ELOVL6: variants seen among roughly 807,000 people sequenced by gnomAD.
ELOVL6 encodes ELOVL fatty acid elongase 6.
Under a neutral mutation model 31.7 loss-of-function variants are expected in ELOVL6, and 8 were observed. The ratio of observed to expected loss-of-function variants is 0.25; its 90% CI spans 0.15 to 0.45. The LOEUF (loss-of-function observed/expected upper bound fraction) is 0.45. Ranked by LOEUF, ELOVL6 falls within the 20% of genes least tolerant of loss-of-function variation. The pLI, the probability that ELOVL6 is intolerant of heterozygous loss-of-function variation, is 1.00. For synonymous variants in ELOVL6, 101 were observed against 117.7 expected, an observed-to-expected ratio of 0.86 and a Z score of 0.92; for missense variants, 126 against 326.4, an observed-to-expected ratio of 0.39 and a Z score of 4.73.
chr4:110,183,513 T>C (rs1227428549), intron 1 of ELOVL6, among the ~76,000 whole-genome samples: 3 of 152,220 alleles, frequency 2.0e-5, no homozygotes. Flanking sequence ...GTCACTCATA[T>C]TTGGCTCAGA....
At chr4:110,189,415 C>T (rs142728359) in intron 1 of ELOVL6, among the ~76,000 whole-genome samples, 10,187 of 150,484 alleles carry the variant, frequency 0.068, 379 homozygotes, top group South Asian at 0.11. Context: ...GGTGAAACCC[C>T]GTCTCTGCTA....
chr4:110,157,383 T>C (rs1321969678), intron 1 of ELOVL6, among the ~76,000 whole-genome samples: 2 of 152,110 alleles, frequency 1.3e-5, no homozygotes, highest in Non-Finnish European at 2.9e-5. Context: ...AAATATGTCT[T>C]GGATAGGCCA....
intron 3 of ELOVL6, among the ~76,000 whole-genome samples, chr4:110,058,422 A>G (rs964075883): frequency 6.6e-6 from 1 of 152,082 alleles, no homozygotes; most frequent in Non-Finnish European, 1.5e-5. Context: ...CTTGTTTTTG[A>G]CCTGGGAAGA....
rs2126254583 is a variant in ELOVL6 at position 110,123,094 on chromosome 4, T to G, written c.90-17466A>C. ...TTTGTATGCCCAGGACTTTACGTCT[T>G]TCCTCAACATATGAATTAATAAATG... On this transcript the variant is annotated intron_variant, in intron 1 of 3. Transcript: ENST00000302274. Among the ~76,000 whole-genome samples, 2 of 152,352 alleles carry G rather than the reference T, an allele frequency of 1.3e-5. 1 individual carries two copies. The highest frequency in any genetic ancestry group is 4.1e-4 in the South Asian group (2 of 4,824).
chr4:110,189,616 AG>A (rs58453006), intron 1 of ELOVL6, among the ~76,000 whole-genome samples: 16,504 of 116,616 alleles, frequency 0.14, 1,534 homozygotes, highest in East Asian at 0.25. Context: ...AAAAAAAAAG[AG>A]AGAGAGAGAG....
intron 1 of ELOVL6, among the ~76,000 whole-genome samples, chr4:110,115,975 G>A (rs549128936): frequency 9.9e-5 from 15 of 152,214 alleles, no homozygotes; most frequent in Non-Finnish European, 1.3e-4. Context: ...ACACCAAGCT[G>A]TTTCCATGGT....
At chr4:110,133,801 T>C (rs895209671) in intron 1 of ELOVL6, among the ~76,000 whole-genome samples, 5 of 152,190 alleles carry the variant, frequency 3.3e-5, no homozygotes, top group African/African-American at 1.2e-4. Context: ...CTAACATTTA[T>C]AGAAACAACT....
intron 1 of ELOVL6, among the ~76,000 whole-genome samples, chr4:110,147,960 A>C (rs1035018745): frequency 6.6e-6 from 1 of 152,106 alleles, no homozygotes; most frequent in African/African-American, 2.4e-5. Context: ...ACTAAATACA[A>C]AAAATTAGCT....
At chr4:110,117,977 G>C (rs1262302481) in intron 1 of ELOVL6, 1 of 74,094 alleles carries the variant, frequency 1.3e-5, no homozygotes, top group Non-Finnish European at 2.6e-5. Context: ...TTTTCTTTTT[G>C]AGACAAACTC....
chr4:110,062,152 G>A (rs568303242), intron 2 of ELOVL6, among the ~76,000 whole-genome samples: 34 of 152,304 alleles, frequency 2.2e-4, no homozygotes, highest in Admixed American at 8.5e-4. Context: ...GTATTCACAA[G>A]TTTGAGGGCT....
intron 2 of ELOVL6, among the ~76,000 whole-genome samples, chr4:110,065,892 C>T (rs1287415302): frequency 6.6e-6 from 1 of 152,104 alleles, no homozygotes; most frequent in Non-Finnish European, 1.5e-5. Context: ...TTACATTGTT[C>T]CCTTATTGAT....
chr4:110,100,807 C>A (rs372353740), intron 2 of ELOVL6, among the ~76,000 whole-genome samples: 1 of 152,174 alleles, frequency 6.6e-6, no homozygotes, highest in African/African-American at 2.4e-5. Flanking sequence ...GGGCGATAGG[C>A]CCTTGGGCCA....
At chr4:110,116,331 CAT>C (rs1196728595) in intron 1 of ELOVL6, among the ~76,000 whole-genome samples, 2 of 152,316 alleles carry the variant, frequency 1.3e-5, no homozygotes, top group East Asian at 1.9e-4. Flanking sequence ...TACAGATGCA[CAT>C]GTTTCATGTC....
intron 1 of ELOVL6, 142 bp downstream of exon 1, chr4:110,198,105 G>A: frequency 1.5e-6 from 1 of 645,874 alleles, no homozygotes; most frequent in South Asian, 1.6e-5. Flanking sequence ...CCTGCACCCG[G>A]GAGACCCGAG....
At chr4:110,099,436 G>GA (rs1252160756) in intron 2 of ELOVL6, among the ~76,000 whole-genome samples, 1 of 152,098 alleles carries the variant, frequency 6.6e-6, no homozygotes, top group East Asian at 1.9e-4. Context: ...GGTTCAACAG[G>GA]AAAAACTGGT....
In ELOVL6 at chr4:110,137,109, C is replaced by A. The variant is rs78318969; in HGVS notation, c.90-31481G>T. Among the ~76,000 whole-genome samples, 88 of 152,252 alleles carry A rather than the reference C, an allele frequency of 5.8e-4. 3 individuals carry two copies. The East Asian group carries it at 0.016, about 28-fold the overall frequency. On this transcript the variant is annotated intron_variant, in intron 1 of 3. Transcript: ENST00000302274. ...TCAAGAAATATAATAAAACTAGTTTCTTTGGTTTCCTTAGAAACCTGGAAA... is the reference window on the plus strand; with the variant it reads ...TCAAGAAATATAATAAAACTAGTTTATTTGGTTTCCTTAGAAACCTGGAAA...
chr4:110,149,082 G>A (rs1212809867), intron 1 of ELOVL6, among the ~76,000 whole-genome samples: 1 of 152,150 alleles, frequency 6.6e-6, no homozygotes, highest in Non-Finnish European at 1.5e-5. Flanking sequence ...GGCTGGTCTT[G>A]AACTCCTGGG....
chr4:110,060,644 C>A (rs1019896287), intron 2 of ELOVL6, among the ~76,000 whole-genome samples: 4 of 152,192 alleles, frequency 2.6e-5, no homozygotes, highest in Admixed American at 2.6e-4. Context: ...GCAATAGGAA[C>A]AAGCAGCCAC....
intron 2 of ELOVL6, among the ~76,000 whole-genome samples, chr4:110,097,633 G>T (rs926536909): frequency 2.6e-5 from 4 of 152,068 alleles, no homozygotes; most frequent in African/African-American, 9.7e-5. Context: ...CAGTCAGTGT[G>T]CTGGAGATGT....
Sources: allele counts gnomAD v4.1 joint callset (sites outside exome capture counted in the v4.1 genomes callset), GRCh38; gene constraint gnomAD v4.1.1; transcripts MANE v1.5; gene names NCBI Gene and HGNC (gene_info 2026-07-23, HGNC 2026-07-21).